The following SORCS3 variants were observed in gnomAD, a reference collection of about 807,000 sequenced individuals.
The protein encoded by SORCS3 is VPS10 domain-containing receptor SorCS3.
A neutral mutation model predicts 146.3 loss-of-function variants in SORCS3; 57 were observed. The observed-to-expected ratio is 0.39, with a 90% confidence interval of 0.31 to 0.49. The LOEUF (loss-of-function observed/expected upper bound fraction) is 0.49, where lower values mean the gene tolerates loss of function less well. Among genes scored for constraint, SORCS3 ranks in the 20% least tolerant of loss-of-function variants. The pLI is 0.92. For synonymous variants in SORCS3, 653 were observed against 618.5 expected (o/e 1.06, Z -0.83); for missense variants, 1,341 against 1,575.5 (o/e 0.85, Z 2.52).
intron 5 of SORCS3, among the ~76,000 whole-genome samples, chr10:105,047,513 G>A (rs2055381471): frequency 6.6e-6 from 1 of 152,028 alleles, no homozygotes; most frequent in Admixed American, 6.6e-5. Context: ...AAGGTATCAG[G>A]AACTTCAATT....
intron 1 of SORCS3, among the ~76,000 whole-genome samples, chr10:104,699,486 A>G (rs781062359): frequency 1.3e-5 from 2 of 152,180 alleles, no homozygotes; most frequent in Non-Finnish European, 1.5e-5. Flanking sequence ...ATGGGACCCA[A>G]CTGGCTCTTG....
intron 14 of SORCS3, among the ~76,000 whole-genome samples, chr10:105,190,775 A>G (rs549620711): frequency 1.3e-5 from 2 of 152,276 alleles, no homozygotes; most frequent in African/African-American, 4.8e-5. Context: ...ATGGGTATGG[A>G]TCATGGGGAT....
chr10:104,745,127 C>T (rs1182403610), intron 1 of SORCS3, among the ~76,000 whole-genome samples: 1 of 152,170 alleles, frequency 6.6e-6, no homozygotes, highest in African/African-American at 2.4e-5. Context: ...AACGTGGCTA[C>T]AAGCCTTGGG....
intron 21 of SORCS3, among the ~76,000 whole-genome samples, chr10:105,246,845 A>G (rs1030629204): frequency 2.6e-5 from 4 of 152,228 alleles, no homozygotes; most frequent in African/African-American, 9.6e-5. Context: ...AAGAAGGAGA[A>G]GTGAAAAGAC....
chr10:105,237,397 C>T (rs577314920), intron 20 of SORCS3, among the ~76,000 whole-genome samples: 6 of 152,196 alleles, frequency 3.9e-5, no homozygotes, highest in African/African-American at 9.6e-5. Context: ...AGAACACATC[C>T]GAGCATTTGG....
chr10:105,154,094 T>G (rs2056188637), intron 9 of SORCS3, among the ~76,000 whole-genome samples: 1 of 101,096 alleles, frequency 9.9e-6, no homozygotes, highest in African/African-American at 3.3e-5. Flanking sequence ...AAAAAGAAAC[T>G]TCCCATCCAG....
At chr10:104,791,035 T>A (rs2017490478) in intron 1 of SORCS3, among the ~76,000 whole-genome samples, 1 of 152,208 alleles carries the variant, frequency 6.6e-6, no homozygotes, top group Non-Finnish European at 1.5e-5. Flanking sequence ...TGGCCAGTTG[T>A]TTCACAGATG....
chr10:104,915,939 G>A lies in SORCS3; in HGVS notation c.795+7G>A, dbSNP rs1348456309. ...TCCAACCAACAAAAGGAAGGTAAGA[G>A]ACTGGGTCAGTAGGTCCTGAGCACT... On this transcript the variant is annotated splice_region_variant and intron_variant, in intron 3 of 26. Coordinates refer to ENST00000369701, the MANE Select transcript of SORCS3 (RefSeq NM_014978.3). 3 of 1,609,998 alleles carry A rather than the reference G, an allele frequency of 1.9e-6. No individual in the cohort carries two copies. The highest frequency in any genetic ancestry group is 1.3e-5 in the African/African-American group (1 of 74,856).
chr10:104,970,808 A>G (rs1169633343), intron 3 of SORCS3, among the ~76,000 whole-genome samples: 2 of 152,186 alleles, frequency 1.3e-5, no homozygotes, highest in Non-Finnish European at 2.9e-5. Flanking sequence ...AAAGACCTAA[A>G]TTTGTTTTAA....
chr10:105,229,968 C>T (rs1262413588), intron 20 of SORCS3, among the ~76,000 whole-genome samples: 1 of 152,100 alleles, frequency 6.6e-6, no homozygotes, highest in Non-Finnish European at 1.5e-5. Context: ...GAGCAGTTTC[C>T]ACTGATGTTA....
At chr10:105,190,704 G>A (rs1297522563) in intron 14 of SORCS3, among the ~76,000 whole-genome samples, 1 of 152,106 alleles carries the variant, frequency 6.6e-6, no homozygotes, top group African/African-American at 2.4e-5. Flanking sequence ...GCCTGGCCTA[G>A]TAATATTAAT....
chr10:104,760,560 T>C (rs970233259), intron 1 of SORCS3, among the ~76,000 whole-genome samples: 2 of 152,230 alleles, frequency 1.3e-5, no homozygotes, highest in East Asian at 3.9e-4. Flanking sequence ...ACTATTTCTT[T>C]ATATACTATT....
chr10:104,697,728 A>G (rs534088834), intron 1 of SORCS3, among the ~76,000 whole-genome samples: 26 of 152,294 alleles, frequency 1.7e-4, no homozygotes, highest in Middle Eastern at 6.8e-3. Flanking sequence ...AAGGGGGCCT[A>G]TTCAAAGATA....
intron 5 of SORCS3, among the ~76,000 whole-genome samples, chr10:105,087,460 T>G (rs2055670514): frequency 6.7e-6 from 1 of 148,584 alleles, no homozygotes; most frequent in Admixed American, 6.8e-5. Flanking sequence ...TACATTGGGT[T>G]AACAAAATGA....
At chr10:104,733,294 A>G (rs965253696) in intron 1 of SORCS3, among the ~76,000 whole-genome samples, 7 of 152,118 alleles carry the variant, frequency 4.6e-5, no homozygotes, top group Non-Finnish European at 8.8e-5. Flanking sequence ...CCTGATGTCC[A>G]TACTAATTTC....
Position 104,977,976 on chromosome 10 carries a change from C to T in SORCS3, c.954+483C>T, listed in dbSNP as rs182928117. On this transcript the variant is annotated intron_variant, in intron 4 of 26. Transcript: ENST00000369701. ...CGATCTCTTAACCTCGTGATCCGCC[C>T]GCCTCGGCCTCCCAAAGTGCTGGGA... is the stretch of plus-strand genomic sequence containing the variant. Among the ~76,000 whole-genome samples, 282 of 152,068 alleles carry T rather than the reference C, an allele frequency of 1.9e-3. 2 individuals are homozygous for T. Among genetic ancestry groups the T allele is most frequent in the African/African-American group, 6.4e-3 (265 of 41,490 alleles).
intron 2 of SORCS3, among the ~76,000 whole-genome samples, chr10:104,864,823 C>A (rs1016405851): frequency 3.3e-5 from 5 of 152,270 alleles, no homozygotes; most frequent in African/African-American, 1.2e-4. Flanking sequence ...TAGAACAAAC[C>A]AAGCTTTTCC....
chr10:104,772,666 C>T (rs904112064), intron 1 of SORCS3, among the ~76,000 whole-genome samples: 2 of 152,158 alleles, frequency 1.3e-5, no homozygotes, highest in African/African-American at 4.8e-5. Context: ...CAAAAGATGC[C>T]ATGATCTTTG....
At chr10:104,776,790 T>C (rs1291553014) in intron 1 of SORCS3, among the ~76,000 whole-genome samples, 3 of 150,550 alleles carry the variant, frequency 2.0e-5, no homozygotes, top group African/African-American at 7.4e-5. Context: ...AAAATTGTAA[T>C]ACTCAGAGAA....
Sources: allele counts gnomAD v4.1 joint callset (sites outside exome capture counted in the v4.1 genomes callset), GRCh38; gene constraint gnomAD v4.1.1; transcripts MANE v1.5; gene names NCBI Gene and HGNC (gene_info 2026-07-23, HGNC 2026-07-21).